The following DACH1 variants were observed in gnomAD, a reference collection of about 807,000 sequenced individuals.
The protein encoded by DACH1 is dachshund family transcription factor 1.
Under a neutral mutation model 54.2 loss-of-function variants are expected in DACH1, and 12 were observed. That is an observed-to-expected ratio of 0.22 (90% CI 0.14 to 0.36). The LOEUF (loss-of-function observed/expected upper bound fraction) is 0.36. DACH1 is among the 10% of genes least tolerant of loss of function. DACH1 has a pLI of 1.00. For missense variants in DACH1, 805 were observed against 929.8 expected, an observed-to-expected ratio of 0.87 and a Z score of 1.75; for synonymous variants, 386 against 366.2, an observed-to-expected ratio of 1.05 and a Z score of -0.62.
At chr13:71,456,938 T>C (rs992570611) in intron 10 of DACH1, among the ~76,000 whole-genome samples, 11 of 152,006 alleles carry the variant, frequency 7.2e-5, no homozygotes, top group African/African-American at 1.2e-4. Context: ...TATTACCAAA[T>C]GCATTTTATA....
At chr13:71,733,376 C>G (rs1182881091) in intron 1 of DACH1, among the ~76,000 whole-genome samples, 2 of 152,036 alleles carry the variant, frequency 1.3e-5, no homozygotes, top group Non-Finnish European at 2.9e-5. Flanking sequence ...GAGATAAGGT[C>G]TCACTCTATT....
chr13:71,621,256 A>T (rs1876215201), intron 3 of DACH1, among the ~76,000 whole-genome samples: 1 of 152,018 alleles, frequency 6.6e-6, no homozygotes, highest in Admixed American at 6.6e-5. Context: ...ATGGTGATTC[A>T]ATCCTGCATC....
At chr13:71,452,126 A>ATTGTT (rs1222996714) in intron 10 of DACH1, among the ~76,000 whole-genome samples, 8 of 151,788 alleles carry the variant, frequency 5.3e-5, no homozygotes, top group South Asian at 2.1e-4. Context: ...GTTTTTTTGT[A>ATTGTT]TTGTTTTGTT....
At chr13:71,865,396 C>A (rs565809035) in intron 1 of DACH1, among the ~76,000 whole-genome samples, 1 of 152,134 alleles carries the variant, frequency 6.6e-6, no homozygotes, top group African/African-American at 2.4e-5. Flanking sequence ...TCACCCGGAG[C>A]GCGTCTCCCC....
At chr13:71,541,157 T>C (rs1883105451) in intron 6 of DACH1, among the ~76,000 whole-genome samples, 1 of 152,046 alleles carries the variant, frequency 6.6e-6, no homozygotes, top group Admixed American at 6.6e-5. Context: ...AGTTCATATG[T>C]AATTTTATTT....
intron 1 of DACH1, among the ~76,000 whole-genome samples, chr13:71,688,589 G>C (rs1389318170): frequency 6.6e-6 from 1 of 152,084 alleles, no homozygotes; most frequent in Non-Finnish European, 1.5e-5. Flanking sequence ...GCACTTCTCA[G>C]TACAAACAGA....
At chr13:71,834,829 A>G (rs1888720551) in intron 1 of DACH1, among the ~76,000 whole-genome samples, 1 of 152,064 alleles carries the variant, frequency 6.6e-6, no homozygotes, top group South Asian at 2.1e-4. Flanking sequence ...GAGAAGATGC[A>G]TAATTTTTGG....
chr13:71,658,011 A>G (rs1879247420), intron 2 of DACH1, among the ~76,000 whole-genome samples: 1 of 152,222 alleles, frequency 6.6e-6, no homozygotes, highest in African/African-American at 2.4e-5. Flanking sequence ...CTTCTATTAA[A>G]TACCTTAACA....
chr13:71,678,059 T>G (rs1880677198), intron 2 of DACH1, among the ~76,000 whole-genome samples: 1 of 152,184 alleles, frequency 6.6e-6, no homozygotes, highest in Non-Finnish European at 1.5e-5. Context: ...TTAATCCATT[T>G]TCTTTTCACA....
At chr13:71,795,492 TC>T (rs1887008827) in intron 1 of DACH1, among the ~76,000 whole-genome samples, 2 of 152,138 alleles carry the variant, frequency 1.3e-5, no homozygotes, top group African/African-American at 4.8e-5. Context: ...TAACTCTTTG[TC>T]TATAATCCCA....
intron 8 of DACH1, among the ~76,000 whole-genome samples, chr13:71,476,933 C>T (rs1334970422): frequency 6.6e-6 from 1 of 150,530 alleles, no homozygotes; most frequent in Non-Finnish European, 1.5e-5. Context: ...GTCATGAAGA[C>T]TAATCATTCC....
chr13:71,652,259 T>C (rs562236912), intron 2 of DACH1, among the ~76,000 whole-genome samples: 1 of 152,264 alleles, frequency 6.6e-6, no homozygotes, highest in Non-Finnish European at 1.5e-5. Flanking sequence ...CTCTAACAAA[T>C]CGTTACTGTC....
At chr13:71,710,022 AT>A (rs1401946237) in intron 1 of DACH1, among the ~76,000 whole-genome samples, 1 of 151,918 alleles carries the variant, frequency 6.6e-6, no homozygotes, top group Non-Finnish European at 1.5e-5. Flanking sequence ...TAATTTTTGT[AT>A]TTTTTTGTAA....
chr13:71,560,874 T>C (rs1884539981), intron 4 of DACH1, among the ~76,000 whole-genome samples: 3 of 152,196 alleles, frequency 2.0e-5, no homozygotes, highest in Admixed American at 2.0e-4. Context: ...ACTGTCTTTG[T>C]AATAATAAAT....
chr13:71,497,135 T>C (rs1236167939), intron 6 of DACH1, among the ~76,000 whole-genome samples: 5 of 152,124 alleles, frequency 3.3e-5, no homozygotes, highest in African/African-American at 1.2e-4. Flanking sequence ...ATTCAAAGGA[T>C]TATAGTTTAA....
intron 1 of DACH1, among the ~76,000 whole-genome samples, chr13:71,742,662 C>T (rs1176481152): frequency 6.6e-6 from 1 of 152,130 alleles, no homozygotes; most frequent in Non-Finnish European, 1.5e-5. Context: ...TGCAGAATTG[C>T]AGCCTCTTCT....
Position 71,489,064 on chromosome 13 carries a change from C to G in DACH1, c.1655G>C (p.Gly552Ala). The change falls in exon 7 of 11, where the codon GGT (glycine) becomes GCT (alanine). Residue 552 changes from glycine (G) to alanine (A), a missense_variant. By Grantham distance (60) the Gly-to-Ala change is moderately conservative. Coordinates refer to ENST00000613252, the MANE Select transcript of DACH1 (RefSeq NM_080759.6). ...LTGHGQPLPP[G>A]FPSPFLFPDG... ...AGGAAACAGAAAAGGAGATGGAAAA[C>G]CTGGAGGCAGTGGTTGTCCATGCCC... 1.9e-6 allele frequency: 3 copies of G among 1,613,698 alleles called. No individual in the cohort carries two copies. The highest frequency in any genetic ancestry group is 2.5e-6 in the Non-Finnish European group (3 of 1,179,824).
intron 10 of DACH1, among the ~76,000 whole-genome samples, chr13:71,450,002 T>C (rs113307706): frequency 0.018 from 2,709 of 151,882 alleles, 42 homozygotes; most frequent in Middle Eastern, 0.051. Flanking sequence ...CACGCCAACA[T>C]GGCACATGTA....
At chr13:71,840,263 T>G (rs1373591736) in intron 1 of DACH1, among the ~76,000 whole-genome samples, 1 of 152,140 alleles carries the variant, frequency 6.6e-6, no homozygotes, top group Non-Finnish European at 1.5e-5. Context: ...CCTTAATTAT[T>G]TAAAACTGAT....
Sources: allele counts gnomAD v4.1 joint callset (sites outside exome capture counted in the v4.1 genomes callset), GRCh38; gene constraint gnomAD v4.1.1; transcripts MANE v1.5; gene names NCBI Gene and HGNC (gene_info 2026-07-23, HGNC 2026-07-21).